SLC39A11: variants seen among roughly 807,000 people sequenced by gnomAD.
SLC39A11 encodes zinc transporter ZIP11.
SLC39A11 carries 33 observed loss-of-function variants against 36.1 expected under a neutral mutation model. The ratio of observed to expected loss-of-function variants is 0.91; its 90% CI spans 0.69 to 1.22. The LOEUF (loss-of-function observed/expected upper bound fraction) is 1.22. Among genes scored for constraint, SLC39A11 ranks in the 50% most tolerant of loss-of-function variants. SLC39A11 has a pLI of 0.00. For synonymous variants in SLC39A11, 166 were observed against 170.3 expected (o/e 0.97, Z 0.20); for missense variants, 432 against 430.3 (o/e 1.00, Z -0.03).
intron 5 of SLC39A11, among the ~76,000 whole-genome samples, chr17:72,926,558 T>C (rs2084060410): frequency 6.6e-6 from 1 of 152,112 alleles, no homozygotes; most frequent in Non-Finnish European, 1.5e-5. Context: ...ATGATGTCCA[T>C]CCAGAAAAAC....
chr17:72,738,994 G>A (rs1057039233), intron 6 of SLC39A11, among the ~76,000 whole-genome samples: 15 of 152,068 alleles, frequency 9.9e-5, no homozygotes, highest in Non-Finnish European at 2.1e-4. Context: ...TCCGCAATGG[G>A]GTCTGGAGCC....
chr17:72,775,408 C>A (rs775268630), intron 6 of SLC39A11, among the ~76,000 whole-genome samples: 5 of 152,108 alleles, frequency 3.3e-5, no homozygotes, highest in Non-Finnish European at 7.4e-5. Context: ...ACAAGTAGGG[C>A]GGGTTGATTC....
chr17:72,793,337 G>A (rs1405965541), intron 6 of SLC39A11, among the ~76,000 whole-genome samples: 1 of 152,112 alleles, frequency 6.6e-6, no homozygotes, highest in Non-Finnish European at 1.5e-5. Flanking sequence ...TTAAGTCCTA[G>A]AGCTGAGAAA....
At chr17:72,836,527 G>C (rs1026729402) in intron 6 of SLC39A11, among the ~76,000 whole-genome samples, 6 of 152,082 alleles carry the variant, frequency 3.9e-5, no homozygotes, top group African/African-American at 1.4e-4. Context: ...TTTTTGTAGA[G>C]ATGGGGTTTC....
chr17:72,924,217 A>C (rs909944675), intron 5 of SLC39A11, among the ~76,000 whole-genome samples: 1 of 150,814 alleles, frequency 6.6e-6, no homozygotes, highest in Non-Finnish European at 1.5e-5. Flanking sequence ...GGACACAGAC[A>C]AAACTAAGGG....
chr17:72,941,025 G>A (rs931058734), intron 5 of SLC39A11, among the ~76,000 whole-genome samples: 12 of 152,232 alleles, frequency 7.9e-5, no homozygotes, highest in African/African-American at 2.9e-4. Context: ...GAAAGACCAC[G>A]CTTTGGGAGG....
At chr17:72,814,608 C>A (rs1175018388) in intron 6 of SLC39A11, among the ~76,000 whole-genome samples, 1 of 152,200 alleles carries the variant, frequency 6.6e-6, no homozygotes, top group African/African-American at 2.4e-5. Flanking sequence ...GCCTGCATTT[C>A]CAGAGGCAAA....
chr17:72,895,162 C>T (rs2081967367), intron 5 of SLC39A11, among the ~76,000 whole-genome samples: 1 of 152,116 alleles, frequency 6.6e-6, no homozygotes, highest in South Asian at 2.1e-4. Flanking sequence ...TGTGACAGAA[C>T]AGGCAGCGGG....
At chr17:72,921,110 A>G (rs2083644908) in intron 5 of SLC39A11, among the ~76,000 whole-genome samples, 1 of 152,166 alleles carries the variant, frequency 6.6e-6, no homozygotes, top group South Asian at 2.1e-4. Context: ...AGTGCCTAGA[A>G]TGTGCCAGGA....
intron 1 of SLC39A11, among the ~76,000 whole-genome samples, chr17:73,091,652 C>T (rs893817940): frequency 6.6e-5 from 10 of 152,246 alleles, no homozygotes; most frequent in Middle Eastern, 6.8e-3. Flanking sequence ...AACCGGCAGA[C>T]CAGTAACAAC....
chr17:73,070,536 C>T (rs890510389), intron 3 of SLC39A11, among the ~76,000 whole-genome samples: 1 of 152,182 alleles, frequency 6.6e-6, no homozygotes, highest in Non-Finnish European at 1.5e-5. Context: ...AACACCAGCT[C>T]ATCCTTCATT....
chr17:72,923,135 T>C (rs915348592), intron 5 of SLC39A11, among the ~76,000 whole-genome samples: 1 of 152,112 alleles, frequency 6.6e-6, no homozygotes, highest in Non-Finnish European at 1.5e-5. Flanking sequence ...TAGATTGTAA[T>C]AGCTGTTTAC....
chr17:72,658,817 T>A (rs1176063484), intron 7 of SLC39A11, among the ~76,000 whole-genome samples: 1 of 151,936 alleles, frequency 6.6e-6, no homozygotes, highest in Non-Finnish European at 1.5e-5. Context: ...AGGGCTCTTG[T>A]GTGGATGGCA....
chr17:73,084,300 G>A (rs1013477307), intron 3 of SLC39A11, among the ~76,000 whole-genome samples: 6 of 151,972 alleles, frequency 3.9e-5, no homozygotes, highest in African/African-American at 9.7e-5. Flanking sequence ...AGCCAGGCAC[G>A]TTGGCACATG....
intron 3 of SLC39A11, among the ~76,000 whole-genome samples, chr17:73,061,752 T>G (rs977480102): frequency 6.6e-6 from 1 of 152,184 alleles, no homozygotes; most frequent in African/African-American, 2.4e-5. Flanking sequence ...CTCAGCACTT[T>G]GGGAGGCCAA....
chr17:72,883,972 T>C (rs900425289), intron 5 of SLC39A11, among the ~76,000 whole-genome samples: 21 of 152,062 alleles, frequency 1.4e-4, no homozygotes, highest in Non-Finnish European at 2.4e-4. Context: ...CTGGAAAACA[T>C]GGCAAAACTC....
chr17:73,088,790 C>T lies in SLC39A11; in HGVS notation c.-11-15G>A, dbSNP rs1029509980. The stretch of plus-strand genomic sequence containing the variant: ...GCTGGATACAGCTGTGCAAGAGGAG[C>T]GAGAGGGTCAGCCACCGGTGGTCCG... On this transcript the variant is annotated splice_polypyrimidine_tract_variant and intron_variant, in intron 1 of 9. Coordinates refer to ENST00000255559, the MANE Select transcript of SLC39A11 (RefSeq NM_139177.4). 59 of 1,564,378 alleles carry T rather than the reference C, an allele frequency of 3.8e-5. No individual in the cohort carries two copies. The highest frequency in any genetic ancestry group is 4.7e-5 in the East Asian group (2 of 42,264).
At chr17:72,664,830 C>A (rs1254458559) in intron 7 of SLC39A11, among the ~76,000 whole-genome samples, 1 of 152,150 alleles carries the variant, frequency 6.6e-6, no homozygotes, top group Admixed American at 6.5e-5. Context: ...CCATTCTTTT[C>A]TCCCTCCATT....
At chr17:72,778,400 C>A (rs941072461) in intron 6 of SLC39A11, among the ~76,000 whole-genome samples, 6 of 152,236 alleles carry the variant, frequency 3.9e-5, no homozygotes, top group African/African-American at 1.4e-4. Context: ...ATCAGGGGAG[C>A]CAGCTAGTCT....
Sources: allele counts gnomAD v4.1 joint callset (sites outside exome capture counted in the v4.1 genomes callset), GRCh38; gene constraint gnomAD v4.1.1; transcripts MANE v1.5; gene names NCBI Gene and HGNC (gene_info 2026-07-23, HGNC 2026-07-21).